Variants in LRRFIP1 observed in about 807,000 individuals in gnomAD.
LRRFIP1 encodes the protein LRR binding FLII interacting protein 1, also known as leucine-rich repeat flightless-interacting protein 1.
Under a neutral mutation model 104.4 loss-of-function variants are expected in LRRFIP1, and 62 were observed. The ratio of observed to expected loss-of-function variants is 0.59; its 90% CI spans 0.48 to 0.73. The LOEUF (loss-of-function observed/expected upper bound fraction) is 0.73. Ranked by LOEUF, LRRFIP1 falls within the 30% of genes least tolerant of loss-of-function variation. The pLI is 0.00. For missense variants in LRRFIP1, 796 were observed against 824.5 expected (o/e 0.97, Z 0.42); for synonymous variants, 300 against 299.0 (o/e 1.00, Z -0.03).
chr2:237,668,942 C>G (rs2089936726), intron 1 of LRRFIP1, among the ~76,000 whole-genome samples: 1 of 152,128 alleles, frequency 6.6e-6, no homozygotes, highest in Non-Finnish European at 1.5e-5. Flanking sequence ...ATTCTTTTAT[C>G]TGTGACTTTT....
intron 1 of LRRFIP1, among the ~76,000 whole-genome samples, chr2:237,644,820 A>T (rs1473690306): frequency 1.3e-5 from 2 of 152,244 alleles, no homozygotes; most frequent in Non-Finnish European, 2.9e-5. Context: ...GCTTTTGAAG[A>T]GTAGCTCTTA....
chr2:237,736,520 G>T (rs1341290623), intron 10 of LRRFIP1, among the ~76,000 whole-genome samples: 1 of 152,154 alleles, frequency 6.6e-6, no homozygotes, highest in Non-Finnish European at 1.5e-5. Context: ...GTTTTCTGGT[G>T]GCTTCAGTAG....
At chr2:237,749,382 T>C in intron 13 of LRRFIP1, 58 bp downstream of exon 13, 2 of 1,572,378 alleles carry the variant, frequency 1.3e-6, no homozygotes, top group Admixed American at 3.8e-5. Context: ...AATCAGTCTT[T>C]AGATTAAAAA....
chr2:237,771,595 T>A (rs1422052239), intron 20 of LRRFIP1, among the ~76,000 whole-genome samples: 1 of 116,966 alleles, frequency 8.5e-6, no homozygotes, highest in South Asian at 3.0e-4. Flanking sequence ...ACTGGACATG[T>A]TTCTGTCTTG....
intron 10 of LRRFIP1, among the ~76,000 whole-genome samples, chr2:237,738,453 C>T (rs998689189): frequency 6.6e-5 from 10 of 152,170 alleles, no homozygotes; most frequent in African/African-American, 2.2e-4. Context: ...TATGGTGCTG[C>T]GTGGGTCTCT....
chr2:237,772,962 A>G lies in LRRFIP1; in HGVS notation c.1707+17A>G. The G allele has an allele frequency of 6.3e-7, 1 of 1,588,906 alleles. No individual in the cohort carries two copies. The highest frequency in any genetic ancestry group is 1.1e-5 in the South Asian group (1 of 90,356). On this transcript the variant is annotated intron_variant, in intron 22 of 23. Transcript: ENST00000308482. Reference sequence around the variant, plus strand: ...GAACAAAATGTACGTGTAAGCAACAACGGGCAGAACTGATGATTGACTGGA... The same window carrying G: ...GAACAAAATGTACGTGTAAGCAACAGCGGGCAGAACTGATGATTGACTGGA...
chr2:237,683,410 G>A lies in LRRFIP1; in HGVS notation c.97-25134G>A, dbSNP rs565343275. The A allele has an allele frequency of 8.5e-5, 13 of 152,326 alleles. No individual in the cohort carries two copies. In the East Asian group the frequency reaches 1.9e-3, roughly 23 times the overall value. The allele number at this position is 152,326 out of a possible 1,614,324, so 9.4% of individuals were successfully genotyped here. A position where few individuals can be genotyped will look rare whatever the true frequency, so the allele number is the denominator to read the frequency against. On this transcript the variant is annotated intron_variant, in intron 1 of 23. Transcript: ENST00000308482. ...CAGTTATTCCAGAATTTCCACTCTC[G>A]TGCCAAGCATGTCTCTCCAAATGGC...
chr2:237,721,055 C>T (rs2094520872), intron 6 of LRRFIP1: 1 of 488,504 alleles, frequency 2.0e-6, no homozygotes, highest in Admixed American at 3.3e-5. Context: ...GAGATGAAGT[C>T]ATCTTTTTTT....
chr2:237,642,491 C>T (rs2084155677), intron 1 of LRRFIP1, among the ~76,000 whole-genome samples: 1 of 151,658 alleles, frequency 6.6e-6, no homozygotes, highest in Admixed American at 6.6e-5. Flanking sequence ...TTCCGGGTTC[C>T]AGGCTAAGGG....
intron 19 of LRRFIP1, chr2:237,764,026 C>T (rs137950221): frequency 1.9e-5 from 30 of 1,614,150 alleles, no homozygotes; most frequent in South Asian, 8.8e-5. Flanking sequence ...GCCTAGAGAA[C>T]GATGACTTGT....
intron 10 of LRRFIP1, among the ~76,000 whole-genome samples, chr2:237,737,293 C>T (rs970341490): frequency 6.6e-6 from 1 of 152,188 alleles, no homozygotes; most frequent in African/African-American, 2.4e-5. Context: ...TCCTCAGCTC[C>T]TCCATTTGGC....
intron 22 of LRRFIP1, among the ~76,000 whole-genome samples, 161 bp downstream of exon 22, chr2:237,773,106 T>C (rs1215918789): frequency 3.3e-5 from 5 of 152,186 alleles, no homozygotes; most frequent in Non-Finnish European, 7.3e-5. Flanking sequence ...ATCCGTTTCT[T>C]ACAGAGCAAG....
intron 8 of LRRFIP1, among the ~76,000 whole-genome samples, chr2:237,730,351 T>C (rs2094946415): frequency 6.6e-6 from 1 of 152,204 alleles, no homozygotes; most frequent in South Asian, 2.1e-4. Context: ...AAACATAATT[T>C]CTAAATTGTT....
chr2:237,755,142 C>G (rs1158506148), intron 15 of LRRFIP1, among the ~76,000 whole-genome samples: 3 of 152,164 alleles, frequency 2.0e-5, no homozygotes, highest in Non-Finnish European at 2.9e-5. Flanking sequence ...GGTCTCAGGC[C>G]GTCACCAGGG....
At chr2:237,699,392 G>GC (rs1173593499) in intron 1 of LRRFIP1, among the ~76,000 whole-genome samples, 2 of 142,466 alleles carry the variant, frequency 1.4e-5, no homozygotes, top group Non-Finnish European at 3.0e-5. Flanking sequence ...TCGCTCTGTC[G>GC]CCCAGGCTGG....
At chr2:237,629,602 G>C (rs2082070306) in intron 1 of LRRFIP1, among the ~76,000 whole-genome samples, 1 of 151,564 alleles carries the variant, frequency 6.6e-6, no homozygotes, top group African/African-American at 2.4e-5. Context: ...CTCACCAGTA[G>C]CTGGGATTAC....
At chr2:237,752,145 G>A (rs1019636810) in intron 14 of LRRFIP1, among the ~76,000 whole-genome samples, 2 of 152,162 alleles carry the variant, frequency 1.3e-5, no homozygotes, top group Non-Finnish European at 1.5e-5. Flanking sequence ...GGTGGCTCAC[G>A]CCTGTAATTC....
At chr2:237,674,582 C>T (rs1328261293) in intron 1 of LRRFIP1, among the ~76,000 whole-genome samples, 1 of 152,196 alleles carries the variant, frequency 6.6e-6, no homozygotes, top group Non-Finnish European at 1.5e-5. Flanking sequence ...AAAAGAACTG[C>T]ATTTGACACC....
chr2:237,762,774 A>G, intron 19 of LRRFIP1: 1 of 1,614,268 alleles, frequency 6.2e-7, no homozygotes, highest in Non-Finnish European at 8.5e-7. Flanking sequence ...TCCTCTGAAG[A>G]CACTGCCCCA....
Sources: gnomAD v4.1 joint callset for allele counts (sites outside exome capture counted in the v4.1 genomes callset) on GRCh38, gnomAD v4.1.1 for gene constraint, MANE v1.5 for transcripts, NCBI Gene and HGNC (gene_info 2026-07-23, HGNC 2026-07-21) for gene names.